The following USP12 variants were observed in gnomAD, a reference collection of about 807,000 sequenced individuals.
The protein encoded by USP12 is ubiquitin specific peptidase 12.
A neutral mutation model predicts 45.5 loss-of-function variants in USP12; 19 were observed. That is an observed-to-expected ratio of 0.42 (90% CI 0.29 to 0.61). USP12 has a LOEUF of 0.61. Among genes scored for constraint, USP12 ranks in the 20% least tolerant of loss-of-function variants. The pLI, the probability that USP12 is intolerant of heterozygous loss-of-function variation, is 0.22. For missense variants in USP12, 242 were observed against 447.7 expected, an observed-to-expected ratio of 0.54 and a Z score of 4.15; for synonymous variants, 149 against 148.8, an observed-to-expected ratio of 1.00 and a Z score of -0.01.
chr13:27,074,028 G>A (rs191102230), intron 7 of USP12, among the ~76,000 whole-genome samples: 134 of 152,262 alleles, frequency 8.8e-4, no homozygotes, highest in Non-Finnish European at 1.8e-3. Flanking sequence ...ATAAAAGACG[G>A]GACCCAAGGC....
At chr13:27,155,851 A>G (rs1440821840) in intron 1 of USP12, among the ~76,000 whole-genome samples, 2 of 152,244 alleles carry the variant, frequency 1.3e-5, no homozygotes, top group Non-Finnish European at 2.9e-5. Context: ...TAGCCTGCCT[A>G]AATGTATGAC....
chr13:27,132,611 G>C (rs1226945829), intron 1 of USP12, among the ~76,000 whole-genome samples: 1 of 152,184 alleles, frequency 6.6e-6, no homozygotes. Flanking sequence ...AGTATCTCAA[G>C]AGGGTTTCCT....
intron 1 of USP12, among the ~76,000 whole-genome samples, chr13:27,160,167 G>A (rs1031591870): frequency 6.6e-6 from 1 of 152,088 alleles, no homozygotes; most frequent in Non-Finnish European, 1.5e-5. Flanking sequence ...ACAAAAAAAG[G>A]TGACAGATTT....
At chr13:27,070,980 C>T (rs1873223699) in intron 8 of USP12, 91 bp downstream of exon 8, 2 of 1,024,130 alleles carry the variant, frequency 2.0e-6, no homozygotes. Flanking sequence ...ATATCATCAC[C>T]AGTCATATAT....
intron 1 of USP12, among the ~76,000 whole-genome samples, chr13:27,148,068 G>T (rs1345349013): frequency 6.6e-6 from 1 of 151,724 alleles, no homozygotes; most frequent in Non-Finnish European, 1.5e-5. Context: ...GGTTGAGGCT[G>T]CAGTGAGCTG....
At chr13:27,091,900 T>C (rs1358245790) in intron 4 of USP12, among the ~76,000 whole-genome samples, 1 of 152,226 alleles carries the variant, frequency 6.6e-6, no homozygotes, top group Non-Finnish European at 1.5e-5. Context: ...TCCAGGAAGC[T>C]GGTCCTTTAC....
At chr13:27,098,427 C>T (rs1874701214) in intron 3 of USP12, among the ~76,000 whole-genome samples, 1 of 151,118 alleles carries the variant, frequency 6.6e-6, no homozygotes, top group African/African-American at 2.4e-5. Context: ...GGAAAATAGC[C>T]AATTCAGAGT....
chr13:27,076,881 G>A (rs1873513943), intron 6 of USP12, among the ~76,000 whole-genome samples: 1 of 152,110 alleles, frequency 6.6e-6, no homozygotes, highest in African/African-American at 2.4e-5. Flanking sequence ...CAAAGTAAAG[G>A]TAAACACCTA....
Position 27,140,144 on chromosome 13 carries a change from T to C in USP12, c.49-23548A>G, listed in dbSNP as rs111314855. Among the ~76,000 whole-genome samples, 21 of 152,134 alleles carry C rather than the reference T, an allele frequency of 1.4e-4. 1 individual carries two copies. Among genetic ancestry groups the C allele is most frequent in the African/African-American group, 4.8e-5 (2 of 41,396 alleles). On this transcript the variant is annotated intron_variant, in intron 1 of 8. Transcript: ENST00000282344. ...TTCTAATCCCCAAAATAGTTTTTTT[T>C]CCCTACGTGTTTTGAGTAGGGCAGA... is the stretch of plus-strand genomic sequence containing the variant.
At chr13:27,135,335 CG>C (rs1341981346) in intron 1 of USP12, among the ~76,000 whole-genome samples, 1 of 152,172 alleles carries the variant, frequency 6.6e-6, no homozygotes. Context: ...AAATCTCTAT[CG>C]TAACAACATT....
intron 1 of USP12, among the ~76,000 whole-genome samples, chr13:27,144,761 C>T (rs1877236845): frequency 6.7e-6 from 1 of 149,540 alleles, no homozygotes; most frequent in African/African-American, 2.5e-5. Flanking sequence ...TTTTTTTTTC[C>T]CCCAGAAATC....
chr13:27,132,464 C>G (rs937209410), intron 1 of USP12, among the ~76,000 whole-genome samples: 1 of 152,010 alleles, frequency 6.6e-6, no homozygotes, highest in East Asian at 1.9e-4. Flanking sequence ...AGCAAAGGAA[C>G]AGAAATATAG....
chr13:27,145,921 T>G (rs1593207167), intron 1 of USP12, among the ~76,000 whole-genome samples: 1 of 152,208 alleles, frequency 6.6e-6, no homozygotes, highest in East Asian at 1.9e-4. Flanking sequence ...TATTTAATGA[T>G]CCAGATTTTG....
Position 27,129,541 on chromosome 13 carries a change from T to G in USP12, c.49-12945A>C, listed in dbSNP as rs144733021. ...GAGTTCTAGAGAAGGCTGGGCAACA[T>G]AGCAAGACTCTGTCTCTACAGAGGA... On this transcript the variant is annotated intron_variant, in intron 1 of 8. Coordinates refer to ENST00000282344, the MANE Select transcript of USP12 (RefSeq NM_182488.4). The surrounding 1 kb of genome is among the most constrained non-coding windows in gnomAD (Gnocchi z 4.0). Among the ~76,000 whole-genome samples the G allele has an allele frequency of 6.6e-6, 1 of 152,030 alleles. No homozygotes were observed. Among genetic ancestry groups the G allele is most frequent in the Non-Finnish European group, 1.5e-5 (1 of 68,014 alleles).
chr13:27,149,405 A>G (rs1013374466), intron 1 of USP12, among the ~76,000 whole-genome samples: 5 of 152,206 alleles, frequency 3.3e-5, no homozygotes, highest in Non-Finnish European at 5.9e-5. Context: ...TTAGAAAAAC[A>G]GGCATCCAAA....
chr13:27,157,151 T>A (rs972110284), intron 1 of USP12, among the ~76,000 whole-genome samples: 1 of 152,260 alleles, frequency 6.6e-6, no homozygotes, highest in African/African-American at 2.4e-5. Context: ...GCAGGTATGT[T>A]ACAAAAATAT....
chr13:27,111,243 CT>C (rs1234929811), intron 2 of USP12, among the ~76,000 whole-genome samples: 3 of 152,114 alleles, frequency 2.0e-5, no homozygotes, highest in Non-Finnish European at 4.4e-5. Context: ...AATTTTGAAA[CT>C]TTTCCTTCAA....
At position 27,069,015 on chromosome 13, in the gene USP12, G is replaced by A; in HGVS notation, c.*268C>T. On this transcript the variant is annotated 3_prime_UTR_variant, in exon 9 of 9. Coordinates refer to ENST00000282344, the MANE Select transcript of USP12 (RefSeq NM_182488.4). ...AGAAAATGCGTGCCAATGACTGGAA[G>A]GCTGTTTTAAAAGAGGAGCTGGTAT... 3 of 457,406 alleles carry A rather than the reference G, an allele frequency of 6.6e-6. No individual in the cohort carries two copies. The highest frequency in any genetic ancestry group is 6.3e-5 in the South Asian group (2 of 31,610). The allele number at this position is 457,406 out of a possible 1,614,324, so 28.3% of individuals were successfully genotyped here.
chr13:27,121,333 G>C (rs1351967764), intron 1 of USP12, among the ~76,000 whole-genome samples: 1 of 148,488 alleles, frequency 6.7e-6, no homozygotes, highest in Non-Finnish European at 1.5e-5. Context: ...CCTCAGTAGA[G>C]AATTCAAAGA....
Sources: allele counts gnomAD v4.1 joint callset (sites outside exome capture counted in the v4.1 genomes callset), GRCh38; gene constraint gnomAD v4.1.1; non-coding constraint Gnocchi (gnomAD v3.1); transcripts MANE v1.5; gene names NCBI Gene and HGNC (gene_info 2026-07-23, HGNC 2026-07-21).